Variants in GPATCH1 observed in about 807,000 individuals in gnomAD.
GPATCH1 encodes G patch domain-containing protein 1.
A neutral mutation model predicts 114.9 loss-of-function variants in GPATCH1; 73 were observed. The ratio of observed to expected loss-of-function variants is 0.64; its 90% CI spans 0.53 to 0.77. GPATCH1 has a LOEUF of 0.77. Ranked by LOEUF, GPATCH1 falls within the 30% of genes least tolerant of loss-of-function variation. The pLI, the probability that GPATCH1 is intolerant of heterozygous loss-of-function variation, is 0.00. For synonymous variants in GPATCH1, 391 were observed against 428.4 expected (o/e 0.91, Z 1.08); for missense variants, 1,058 against 1,144.3 (o/e 0.92, Z 1.09).
At chr19:33,085,891 T>C (rs1365534074) in intron 1 of GPATCH1, among the ~76,000 whole-genome samples, 1 of 152,192 alleles carries the variant, frequency 6.6e-6, no homozygotes, top group Non-Finnish European at 1.5e-5. Flanking sequence ...CCTCATCATC[T>C]GCCGCCACAG....
In GPATCH1 at chr19:33,112,520, T is replaced by C. The variant is rs1355214485; in HGVS notation, c.1799T>C (p.Met600Thr). The C allele has an allele frequency of 1.9e-6, 3 of 1,614,100 alleles. No homozygotes were observed. Among genetic ancestry groups the C allele is most frequent in the Non-Finnish European group, 2.5e-6 (3 of 1,179,996 alleles). ...DVGDKQSAVK[M>T]KMFGKLTRDT... ...GGGGATAAGCAGTCGGCTGTGAAGATGAAGATGTTTGGGAAGCTCACCCGA... is the reference window on the plus strand; with the variant it reads ...GGGGATAAGCAGTCGGCTGTGAAGACGAAGATGTTTGGGAAGCTCACCCGA... The change falls in exon 13 of 20, where the codon ATG becomes ACG. Residue 600 changes from methionine (M) to threonine (T), a missense_variant. This residue lies in a region of GPATCH1 where 893 missense variants were observed against 977.4 expected (regional missense o/e 0.91). Transcript: ENST00000170564.
intron 1 of GPATCH1, among the ~76,000 whole-genome samples, chr19:33,087,828 C>T (rs116719950): frequency 0.02 from 3,061 of 151,764 alleles, 84 homozygotes; most frequent in African/African-American, 0.07. Flanking sequence ...GGATTACAGA[C>T]GTCTGCCACC....
intron 15 of GPATCH1, among the ~76,000 whole-genome samples, chr19:33,116,916 T>G (rs1295166676): frequency 1.3e-5 from 2 of 152,098 alleles, no homozygotes; most frequent in Non-Finnish European, 2.9e-5. Flanking sequence ...GTCCTCAGGC[T>G]GGGTGTGTTG....
rs1972831294 is a variant in GPATCH1, at chr19:33,109,904, A to G, written c.1473A>G (p.Leu491=). ...AAGHCSWNMA[L]GGGTATLKAS... ...GGCACTGCTCTTGGAACATGGCATT[A>G]GGTGGTGGGACGGCCACCTTAAAAG... Residue 491 remains leucine, a synonymous_variant, in exon 11 of 20, where the codon TTA becomes TTG. Coordinates refer to ENST00000170564, the MANE Select transcript of GPATCH1 (RefSeq NM_018025.3). 1 of 1,614,156 alleles carries G rather than the reference A, an allele frequency of 6.2e-7. No individual in the cohort carries two copies. The highest frequency in any genetic ancestry group is 8.5e-7 in the Non-Finnish European group (1 of 1,180,008).
At position 33,130,524 on chromosome 19, in the gene GPATCH1, A is replaced by C. The variant is rs1973094340; in HGVS notation, c.*364A>C. 1.1e-5 allele frequency: 2 copies of C among 176,320 alleles called. No individual in the cohort carries two copies. The highest frequency in any genetic ancestry group is 1.8e-4 in the South Asian group (1 of 5,544). The allele number at this position is 176,320 out of a possible 1,614,324, so 10.9% of individuals were successfully genotyped here. A position where few individuals can be genotyped will look rare whatever the true frequency, so the allele number is the denominator to read the frequency against. ...GGACTCACTGAAGGACAAGCGTGTG[A>C]GAAGGGGCGGTTGCGGCCCCTCCTG... On this transcript the variant is annotated 3_prime_UTR_variant, in exon 20 of 20. Transcript: ENST00000170564.
intron 15 of GPATCH1, 110 bp from the exon 16 acceptor site, chr19:33,117,715 T>G: frequency 1.3e-6 from 1 of 754,100 alleles, no homozygotes; most frequent in Non-Finnish European, 2.3e-6. Context: ...TGGATACCCA[T>G]GTACATGAGC....
At chr19:33,116,580 A>G (rs1972917985) in intron 15 of GPATCH1, among the ~76,000 whole-genome samples, 1 of 152,148 alleles carries the variant, frequency 6.6e-6, no homozygotes, top group Non-Finnish European at 1.5e-5. Context: ...CCCAGGCTGG[A>G]GGGCAGTGGC....
intron 17 of GPATCH1, among the ~76,000 whole-genome samples, chr19:33,122,267 CAA>C (rs2145338996): frequency 6.6e-6 from 1 of 151,380 alleles, no homozygotes; most frequent in East Asian, 1.9e-4. Context: ...CTCAGCCTCC[CAA>C]AGTGTTGGGA....
Position 33,117,937 on chromosome 19 carries a change from A to G in GPATCH1, c.2309A>G (p.Glu770Gly). ...SSSDEKSSSSEDEQGDSEDDQ... is the reference protein window; with the variant it reads ...SSSDEKSSSSGDEQGDSEDDQ... Reference sequence around the variant, plus strand: ...TCAGATGAAAAGTCCTCATCCTCCGAGGATGAGCAAGGTGACAGTGAAGAT... The same window carrying G: ...TCAGATGAAAAGTCCTCATCCTCCGGGGATGAGCAAGGTGACAGTGAAGAT... Residue 770 changes from glutamate to glycine, a missense_variant, in exon 16 of 20, where the codon GAG (glutamate) becomes GGG (glycine). Around this residue, in one of 3 missense-constraint regions of GPATCH1, gnomAD observed 893 missense variants for 977.4 expected, o/e 0.91. Transcript: ENST00000170564. 2 of 1,613,912 alleles carry G rather than the reference A, an allele frequency of 1.2e-6. No individual in the cohort carries two copies. The highest frequency in any genetic ancestry group is 1.7e-6 in the Non-Finnish European group (2 of 1,179,940).
In GPATCH1 at chr19:33,109,944, C is replaced by A; in HGVS notation, c.1513C>A (p.Pro505Thr). 6.2e-7 allele frequency: 1 copy of A among 1,614,104 alleles called. No individual in the cohort carries two copies. The highest frequency in any genetic ancestry group is 8.5e-7 in the Non-Finnish European group (1 of 1,180,006). The change falls in exon 11 of 20, where the codon CCT becomes ACT. Residue 505 changes from proline to threonine, a missense_variant. Transcript: ENST00000170564. ...CACCTTAAAAGCCAGCAACTTCAAG[C>A]CTTTCGCCAAAGATCCGGAAAAGCA... The part of the protein sequence containing the change: ...TATLKASNFK[P>T]FAKDPEKQKR...
At chr19:33,118,359 A>T (rs1193459460) in intron 16 of GPATCH1, among the ~76,000 whole-genome samples, 3 of 151,578 alleles carry the variant, frequency 2.0e-5, no homozygotes, top group Non-Finnish European at 1.5e-5. Context: ...TTGTATTTTT[A>T]GTAGAGATGG....
rs767500604 is a variant in GPATCH1, at chr19:33,113,854, C to T, written c.1980C>T (p.Pro660=). The change falls in exon 14 of 20, where the codon CCC becomes CCT. Residue 660 remains proline (P), a synonymous_variant. Coordinates refer to ENST00000170564, the MANE Select transcript of GPATCH1 (RefSeq NM_018025.3). ...CGCTCCCAGAGACAGCTTCCTTGCC[C>T]ACCACTCAAGCATCAAGTGAAAAAG... ...FLTLPETASL[P]TTQASSEKVS... 27 of 1,613,924 alleles carry T rather than the reference C, an allele frequency of 1.7e-5. No homozygotes were observed. The highest frequency in any genetic ancestry group is 2.3e-5 in the Non-Finnish European group (27 of 1,179,952).
rs192108039 is a variant in GPATCH1, at chr19:33,082,433, G to A, written c.73+1167G>A. On this transcript the variant is annotated intron_variant, in intron 1 of 19. Transcript: ENST00000170564. Reference sequence around the variant, plus strand: ...CCTTTTTTCACCCTGACCACATCCTGCCAGGTTGATTGTACTTCTGGGATA... The same window carrying A: ...CCTTTTTTCACCCTGACCACATCCTACCAGGTTGATTGTACTTCTGGGATA... Among the ~76,000 whole-genome samples, 95 of 152,228 alleles carry A rather than the reference G, an allele frequency of 6.2e-4. 2 individuals carry two copies. Among genetic ancestry groups the A allele is most frequent in the Admixed American group, 4.7e-3 (72 of 15,272 alleles).
chr19:33,113,557 A>C, intron 13 of GPATCH1: 1 of 479,266 alleles, frequency 2.1e-6, no homozygotes, highest in Non-Finnish European at 3.7e-6. Flanking sequence ...CCATTTTGAA[A>C]GTTAAATTCT....
chr19:33,087,061 T>C (rs761967375), intron 1 of GPATCH1, among the ~76,000 whole-genome samples: 19 of 152,120 alleles, frequency 1.2e-4, no homozygotes, highest in African/African-American at 2.2e-4. Flanking sequence ...CTCCATGAAA[T>C]AGCTGTTACC....
chr19:33,105,583 G>T (rs1177912174), intron 9 of GPATCH1, among the ~76,000 whole-genome samples: 2 of 151,728 alleles, frequency 1.3e-5, no homozygotes, highest in African/African-American at 4.8e-5. Flanking sequence ...GAGTGCAGTG[G>T]TGCGATCTCA....
At position 33,113,806 on chromosome 19, in the gene GPATCH1, G is replaced by A. The variant is rs764804926; in HGVS notation, c.1932G>A (p.Lys644=). ...LVGLPRVKRD[K]YSVFNFLTLP... ...GCTTACCAAGAGTGAAGCGTGACAAGTACTCAGTCTTCAACTTTCTGACGC... is the reference window on the plus strand; with the variant it reads ...GCTTACCAAGAGTGAAGCGTGACAAATACTCAGTCTTCAACTTTCTGACGC... The change falls in exon 14 of 20, where the codon AAG becomes AAA. Residue 644 remains lysine, a synonymous_variant. Transcript: ENST00000170564. 14 of 1,613,410 alleles carry A rather than the reference G, an allele frequency of 8.7e-6. No homozygotes were observed. In the South Asian group the frequency reaches 1.5e-4, roughly 18 times the overall value.
At position 33,129,418 on chromosome 19, in the gene GPATCH1, TA is replaced by T. The variant is rs775961548; in HGVS notation, c.2766-698del. Among the ~76,000 whole-genome samples the T allele has an allele frequency of 7.1e-3, 971 of 136,824 alleles. 7 individuals are homozygous for T. The highest frequency in any genetic ancestry group is 0.017 in the African/African-American group (652 of 37,482). 89.8% of individuals were successfully genotyped at this position (136,824 alleles called of 152,430 possible). A position where few individuals can be genotyped will look rare whatever the true frequency, so the allele number is the denominator to read the frequency against. The stretch of plus-strand genomic sequence containing the variant: ...GGAGACCCTGTCTCTATAAAAAAAT[TA>T]AAAAAAAAAAAAAGACAACTTGGAT... On this transcript the variant is annotated intron_variant, in intron 19 of 19. Transcript: ENST00000170564.
chr19:33,092,391 C>G (rs753360342), intron 3 of GPATCH1, among the ~76,000 whole-genome samples: 4 of 152,134 alleles, frequency 2.6e-5, no homozygotes, highest in Non-Finnish European at 5.9e-5. Context: ...CATATGAGTC[C>G]TACCATGAAT....
Sources: gnomAD v4.1 joint callset for allele counts (sites outside exome capture counted in the v4.1 genomes callset) on GRCh38, gnomAD v4.1.1 for gene constraint, gnomAD v4.1.1 regional missense constraint, MANE v1.5 for transcripts, NCBI Gene and HGNC (gene_info 2026-07-23, HGNC 2026-07-21) for gene names.